The following CACNA2D3 variants were observed in gnomAD, a reference collection of about 807,000 sequenced individuals.
The protein encoded by CACNA2D3 is calcium voltage-gated channel auxiliary subunit alpha2delta 3.
In CACNA2D3, 60 loss-of-function variants were observed where a neutral mutation model predicts 160.6. The observed-to-expected ratio is 0.37, with a 90% confidence interval of 0.30 to 0.46. The LOEUF (loss-of-function observed/expected upper bound fraction) is 0.46, where lower values mean the gene tolerates loss of function less well. Ranked by LOEUF, CACNA2D3 falls within the 20% of genes least tolerant of loss-of-function variation. CACNA2D3 has a pLI of 1.00. For synonymous variants in CACNA2D3, 558 were observed against 492.9 expected (o/e 1.13, Z -1.75); for missense variants, 1,205 against 1,365.0 (o/e 0.88, Z 1.85).
chr3:54,811,041 C>G (rs1390294477), intron 13 of CACNA2D3, among the ~76,000 whole-genome samples: 2 of 152,150 alleles, frequency 1.3e-5, no homozygotes, highest in Non-Finnish European at 2.9e-5. Flanking sequence ...GAGTCCTGGG[C>G]TCTCGCTGTC....
chr3:55,030,978 T>C (rs1298485191), intron 35 of CACNA2D3, among the ~76,000 whole-genome samples: 1 of 152,140 alleles, frequency 6.6e-6, no homozygotes, highest in Non-Finnish European at 1.5e-5. Context: ...TCTCACAATT[T>C]CCCATTTGTA....
intron 4 of CACNA2D3, among the ~76,000 whole-genome samples, chr3:54,482,272 G>C (rs1700946028): frequency 1.3e-5 from 2 of 152,182 alleles, no homozygotes; most frequent in Admixed American, 1.3e-4. Flanking sequence ...TAAATGATTA[G>C]GAATGGAACT....
intron 35 of CACNA2D3, among the ~76,000 whole-genome samples, chr3:55,021,089 T>C (rs891598416): frequency 2.0e-5 from 3 of 152,162 alleles, no homozygotes; most frequent in Non-Finnish European, 2.9e-5. Flanking sequence ...CTTGAAGGCT[T>C]TGTAAAACTT....
At chr3:54,614,010 C>T (rs991066897) in intron 9 of CACNA2D3, among the ~76,000 whole-genome samples, 6 of 152,206 alleles carry the variant, frequency 3.9e-5, no homozygotes, top group Non-Finnish European at 8.8e-5. Flanking sequence ...GATCTCTCTC[C>T]ACTGGCCTGT....
At chr3:54,939,073 G>A (rs1166730417) in intron 27 of CACNA2D3, among the ~76,000 whole-genome samples, 1 of 152,204 alleles carries the variant, frequency 6.6e-6, no homozygotes, top group South Asian at 2.1e-4. Flanking sequence ...TTATTTAGCA[G>A]TTTATTATTT....
intron 5 of CACNA2D3, among the ~76,000 whole-genome samples, chr3:54,561,469 C>T (rs1305788417): frequency 6.6e-6 from 1 of 152,156 alleles, no homozygotes; most frequent in Non-Finnish European, 1.5e-5. Flanking sequence ...GCTTAAGAAG[C>T]TTTTGGGCTG....
chr3:54,389,046 T>G (rs985257281), intron 4 of CACNA2D3, among the ~76,000 whole-genome samples: 1 of 152,204 alleles, frequency 6.6e-6, no homozygotes, highest in Non-Finnish European at 1.5e-5. Flanking sequence ...GGCTCACACC[T>G]GTAGTCCCAG....
At chr3:54,696,697 G>C (rs897627072) in intron 11 of CACNA2D3, among the ~76,000 whole-genome samples, 1 of 152,148 alleles carries the variant, frequency 6.6e-6, no homozygotes, top group African/African-American at 2.4e-5. Flanking sequence ...CAGTTGTCCT[G>C]TGGTTCCACT....
intron 2 of CACNA2D3, among the ~76,000 whole-genome samples, chr3:54,216,450 C>T (rs1460404119): frequency 6.6e-6 from 1 of 152,184 alleles, no homozygotes; most frequent in Non-Finnish European, 1.5e-5. Flanking sequence ...TTAAAGTTTG[C>T]ATGGACAGGT....
At position 54,541,278 on chromosome 3, in the gene CACNA2D3, G is replaced by GA. The variant is rs141900915; in HGVS notation, c.545-21499dup. Among the ~76,000 whole-genome samples, 78 of 81,692 alleles carry GA rather than the reference G, an allele frequency of 9.5e-4. 1 individual carries two copies. The highest frequency in any genetic ancestry group is 2.2e-3 in the Admixed American group (13 of 5,778). The allele number at this position is 81,692 out of a possible 152,430, so 53.6% of individuals were successfully genotyped here. On this transcript the variant is annotated intron_variant, in intron 5 of 37. Transcript: ENST00000474759. ...GGCAACAGAGCAAGACTCCGTCTCA[G>GA]AAAAAAAAAAAAAAAAAAAAAAAGA...
chr3:54,821,644 CTT>C (rs1703596377), intron 14 of CACNA2D3, among the ~76,000 whole-genome samples: 1 of 30,726 alleles, frequency 3.3e-5, no homozygotes, highest in Non-Finnish European at 8.0e-5. Flanking sequence ...GTCTTTCGTT[CTT>C]TCTTTCTTTC....
At chr3:54,800,891 G>C (rs1301320474) in intron 13 of CACNA2D3, among the ~76,000 whole-genome samples, 2 of 152,106 alleles carry the variant, frequency 1.3e-5, no homozygotes, top group Non-Finnish European at 2.9e-5. Context: ...GGCCATTCAG[G>C]AATTTTGAAG....
chr3:54,321,942 A>G (rs140193507), intron 3 of CACNA2D3, among the ~76,000 whole-genome samples: 2 of 151,380 alleles, frequency 1.3e-5, no homozygotes, highest in Non-Finnish European at 1.5e-5. Flanking sequence ...AAAAAAAAAA[A>G]CTAGTAACAG....
intron 35 of CACNA2D3, among the ~76,000 whole-genome samples, chr3:55,025,032 A>G (rs1703536304): frequency 6.6e-6 from 1 of 152,208 alleles, no homozygotes; most frequent in Admixed American, 6.5e-5. Flanking sequence ...TGAGGCGGCC[A>G]GTATCTCTTA....
chr3:54,171,875 T>C (rs1469274203), intron 2 of CACNA2D3, among the ~76,000 whole-genome samples: 1 of 152,218 alleles, frequency 6.6e-6, no homozygotes, highest in Non-Finnish European at 1.5e-5. Context: ...TCTTCTGTCC[T>C]TCCTGTCTGT....
At position 54,316,239 on chromosome 3, in the gene CACNA2D3, T is replaced by C. The variant is rs146264465; in HGVS notation, c.205-4203T>C. 4.6e-3 allele frequency among the ~76,000 whole-genome samples: 708 copies of C among 152,336 alleles called. 4 individuals are homozygous for C. Among genetic ancestry groups the C allele is most frequent in the African/African-American group, 0.016 (682 of 41,560 alleles). ...ACTGGAATAGCTCACTCTATCCAGT[T>C]ACTGGAGGTCAAATTGCTTGGTTTT... On this transcript the variant is annotated intron_variant, in intron 2 of 37. Coordinates refer to ENST00000474759, the MANE Select transcript of CACNA2D3 (RefSeq NM_018398.3).
chr3:55,025,744 G>A (rs1185247114), intron 35 of CACNA2D3, among the ~76,000 whole-genome samples: 1 of 151,856 alleles, frequency 6.6e-6, no homozygotes, highest in Non-Finnish European at 1.5e-5. Flanking sequence ...AGACTCACAG[G>A]AGATTGGGTA....
At chr3:55,008,347 C>G (rs1322359615) in intron 33 of CACNA2D3, among the ~76,000 whole-genome samples, 1 of 152,146 alleles carries the variant, frequency 6.6e-6, no homozygotes, top group Non-Finnish European at 1.5e-5. Flanking sequence ...ACTTAGATAA[C>G]ACTTGAAATG....
intron 2 of CACNA2D3, among the ~76,000 whole-genome samples, chr3:54,124,262 C>T: frequency 6.6e-6 from 1 of 152,264 alleles, no homozygotes; most frequent in Non-Finnish European, 1.5e-5. Flanking sequence ...GTTCTTATCA[C>T]AAGCTGCATC....
Sources: gnomAD v4.1 joint callset for allele counts (sites outside exome capture counted in the v4.1 genomes callset) on GRCh38, gnomAD v4.1.1 for gene constraint, MANE v1.5 for transcripts, NCBI Gene and HGNC (gene_info 2026-07-23, HGNC 2026-07-21) for gene names.